Variants in MPDZ observed in about 807,000 individuals in gnomAD.
MPDZ encodes the protein multiple PDZ domain crumbs cell polarity complex component, also known as multiple PDZ domain protein.
MPDZ carries 234 observed loss-of-function variants against 239.1 expected under a neutral mutation model. The observed-to-expected ratio is 0.98, with a 90% CI of 0.88 to 1.09. MPDZ has a LOEUF of 1.09. MPDZ is among the 50% of genes least tolerant of loss of function. MPDZ has a pLI of 0.00. For missense variants in MPDZ, 3,175 were observed against 2,510.0 expected, an observed-to-expected ratio of 1.26 and a Z score of -5.66; for synonymous variants, 1,048 against 881.3, an observed-to-expected ratio of 1.19 and a Z score of -3.35.
chr9:13,250,869 C>G (rs1040582021), intron 1 of MPDZ, among the ~76,000 whole-genome samples: 7 of 152,052 alleles, frequency 4.6e-5, no homozygotes, highest in Non-Finnish European at 1.0e-4. Context: ...TGGCTCACAT[C>G]TTTAATCCCA....
At chr9:13,203,644 C>T (rs1329885925) in intron 12 of MPDZ, among the ~76,000 whole-genome samples, 1 of 151,832 alleles carries the variant, frequency 6.6e-6, no homozygotes, top group African/African-American at 2.4e-5. Context: ...GCATTAAAGT[C>T]ACTTAGAAGT....
rs1038132849 is a variant in MPDZ, at chr9:13,188,778, T to C, written c.2364+6A>G. On this transcript the variant is annotated splice_donor_region_variant and intron_variant, in intron 17 of 46. Transcript: ENST00000319217. ...TAAAGGGAAGCAATAAAGTCTGAAT[T>C]CTTACGGGTAAAGGCTTAGCAACTC... The C allele has an allele frequency of 6.2e-7, 1 of 1,607,848 alleles. No homozygotes were observed.
intron 3 of MPDZ, among the ~76,000 whole-genome samples, chr9:13,225,190 A>C (rs1208363870): frequency 6.6e-6 from 1 of 151,766 alleles, no homozygotes; most frequent in Non-Finnish European, 1.5e-5. Context: ...ATGAGAGTCA[A>C]AAGTTTAAAA....
chr9:13,268,537 GGTAA>G (rs1323585835), intron 1 of MPDZ, among the ~76,000 whole-genome samples: 1 of 152,056 alleles, frequency 6.6e-6, no homozygotes, highest in African/African-American at 2.4e-5. Context: ...AGTGGAAAAC[GGTAA>G]GTAATTATAC....
intron 3 of MPDZ, among the ~76,000 whole-genome samples, chr9:13,245,432 A>C (rs1966383214): frequency 6.6e-6 from 1 of 151,502 alleles, no homozygotes. Context: ...AAAAAGAAGA[A>C]GAAGATGTGA....
intron 27 of MPDZ, among the ~76,000 whole-genome samples, chr9:13,141,745 C>A (rs530196496): frequency 6.6e-6 from 1 of 152,106 alleles, no homozygotes; most frequent in Admixed American, 6.6e-5. Flanking sequence ...TGCGACCTTT[C>A]TTTGTTGATT....
In MPDZ at chr9:13,176,259, A is replaced by T; in HGVS notation, c.2808T>A (p.Pro936=). 6.2e-7 allele frequency: 1 copy of T among 1,608,888 alleles called. No individual in the cohort carries two copies. The highest frequency in any genetic ancestry group is 1.1e-5 in the South Asian group (1 of 90,044). The change falls in exon 20 of 47, where the codon CCT becomes CCA. Residue 936 remains proline, a synonymous_variant. Transcript: ENST00000319217. The stretch of plus-strand genomic sequence containing the variant: ...CATATTGTTGTTCAATAGCATTTGC[A>T]GGTGTGTAGTCATTTATAGTAAAGC... ...ASGFTINDYT[P]ANAIEQQYEC...
At chr9:13,267,009 G>A (rs996974249) in intron 1 of MPDZ, among the ~76,000 whole-genome samples, 9 of 152,174 alleles carry the variant, frequency 5.9e-5, no homozygotes, top group African/African-American at 2.2e-4. Flanking sequence ...AATACTCCAA[G>A]AGGCAAAACT....
chr9:13,132,111 A>G (rs747739317), intron 32 of MPDZ, among the ~76,000 whole-genome samples: 9 of 152,244 alleles, frequency 5.9e-5, no homozygotes, highest in Non-Finnish European at 1.2e-4. Context: ...GAGGTTCTCC[A>G]AGGTCTTGCA....
chr9:13,202,542 A>G (rs531694947), intron 12 of MPDZ, among the ~76,000 whole-genome samples: 111 of 152,310 alleles, frequency 7.3e-4, no homozygotes, highest in African/African-American at 2.5e-3. Context: ...GATACATGCC[A>G]GTCACTGTGA....
At chr9:13,262,878 C>A (rs1971000148) in intron 1 of MPDZ, among the ~76,000 whole-genome samples, 1 of 151,886 alleles carries the variant, frequency 6.6e-6, no homozygotes, top group African/African-American at 2.4e-5. Context: ...AGTATATGGG[C>A]CACATAAAAA....
chr9:13,247,327 A>T (rs1966793990), intron 3 of MPDZ, among the ~76,000 whole-genome samples: 1 of 152,340 alleles, frequency 6.6e-6, no homozygotes, highest in African/African-American at 2.4e-5. Context: ...GTGATGATGG[A>T]AACTAAGTCT....
At position 13,196,198 on chromosome 9, in the gene MPDZ, T is replaced by C; in HGVS notation, c.1579A>G (p.Ile527Val). ...YPLLSAEIEE[I>V]EDAQKQEAAL... ...GCTTCTTGTTTTTGTGCATCTTCTA[T>C]TTCTTCTATCTCAGCTGACAGTAAT... The change falls in exon 13 of 47, where the codon ATA becomes GTA. Residue 527 changes from isoleucine (I) to valine (V), a missense_variant. Ile to Val is a conservative substitution (Grantham distance 29, BLOSUM62 3). Transcript: ENST00000319217. 1.9e-6 allele frequency: 3 copies of C among 1,599,032 alleles called. No individual in the cohort carries two copies. Among genetic ancestry groups the C allele is most frequent in the South Asian group, 1.1e-5 (1 of 88,598 alleles).
intron 22 of MPDZ, among the ~76,000 whole-genome samples, chr9:13,167,694 G>A (rs1293581260): frequency 1.3e-5 from 2 of 152,084 alleles, no homozygotes; most frequent in East Asian, 1.9e-4. Context: ...CATTGATGAA[G>A]TGTCACAATA....
chr9:13,124,708 T>A (rs1196972184), intron 35 of MPDZ, among the ~76,000 whole-genome samples: 4 of 152,156 alleles, frequency 2.6e-5, no homozygotes, highest in South Asian at 4.1e-4. Context: ...GATCTGTAGA[T>A]CATGGCAATG....
At chr9:13,237,949 G>C (rs1373200300) in intron 3 of MPDZ, among the ~76,000 whole-genome samples, 1 of 152,116 alleles carries the variant, frequency 6.6e-6, no homozygotes, top group East Asian at 1.9e-4. Context: ...CAAAGAGCAA[G>C]ATAGACAAAT....
chr9:13,247,133 G>A (rs1025481646), intron 3 of MPDZ, among the ~76,000 whole-genome samples: 5 of 152,178 alleles, frequency 3.3e-5, no homozygotes, highest in African/African-American at 9.7e-5. Flanking sequence ...ACTCTTTAAA[G>A]AAGTGAGAAT....
chr9:13,249,267 T>C (rs1473428329), intron 2 of MPDZ, among the ~76,000 whole-genome samples: 1 of 152,146 alleles, frequency 6.6e-6, no homozygotes, highest in Non-Finnish European at 1.5e-5. Flanking sequence ...AATTTCCACA[T>C]CAATTTTTAG....
intron 1 of MPDZ, among the ~76,000 whole-genome samples, chr9:13,277,902 A>G (rs751367217): frequency 6.6e-6 from 1 of 152,116 alleles, no homozygotes; most frequent in South Asian, 2.1e-4. Flanking sequence ...TTGTTTGCCA[A>G]AATTCCATCA....
Sources: gnomAD v4.1 joint callset for allele counts (sites outside exome capture counted in the v4.1 genomes callset) on GRCh38, gnomAD v4.1.1 for gene constraint, MANE v1.5 for transcripts, NCBI Gene and HGNC (gene_info 2026-07-23, HGNC 2026-07-21) for gene names.